Variants in GABRA5 observed in about 807,000 individuals in gnomAD.
GABRA5 encodes gamma-aminobutyric acid type A receptor subunit alpha5.
A neutral mutation model predicts 47.3 loss-of-function variants in GABRA5; 18 were observed. The ratio of observed to expected loss-of-function variants is 0.38; its 90% CI spans 0.26 to 0.56. The LOEUF (loss-of-function observed/expected upper bound fraction) is 0.56, where lower values mean the gene tolerates loss of function less well. Ranked by LOEUF, GABRA5 falls within the 20% of genes least tolerant of loss-of-function variation. The probability of loss-of-function intolerance (pLI) is 0.71; values close to 1 mark genes in which losing one functional copy is unlikely to be tolerated. For missense variants in GABRA5, 365 were observed against 599.3 expected (o/e 0.61, Z 4.08); for synonymous variants, 237 against 229.3 (o/e 1.03, Z -0.30).
At chr15:26,880,274 A>G (rs1892696316) in intron 3 of GABRA5, among the ~76,000 whole-genome samples, 1 of 152,142 alleles carries the variant, frequency 6.6e-6, no homozygotes. Context: ...CTGAAGGGGC[A>G]GGACCCCAGA....
chr15:26,893,397 A>AGCATGTGTGTATAGTGTGTGTGCATGTG (rs1893079112), intron 6 of GABRA5, among the ~76,000 whole-genome samples: 1 of 460 alleles, frequency 2.2e-3, no homozygotes, highest in Non-Finnish European at 4.2e-3. Context: ...GAGTATGTGT[A>AGCATGTGTGTATAGTGTGTGTGCATGTG]TGGTGTGTTG....
intron 6 of GABRA5, among the ~76,000 whole-genome samples, chr15:26,885,925 A>G (rs1892867470): frequency 6.6e-6 from 1 of 152,186 alleles, no homozygotes; most frequent in African/African-American, 2.4e-5. Flanking sequence ...TCGTCGGACT[A>G]GTGTTCTTGA....
At chr15:26,884,534 G>A (rs1306816038) in intron 6 of GABRA5, among the ~76,000 whole-genome samples, 13 of 151,988 alleles carry the variant, frequency 8.6e-5, no homozygotes, top group Non-Finnish European at 1.9e-4. Flanking sequence ...CTTTTGCATA[G>A]GTACTGGAAT....
At chr15:26,942,455 A>T (rs148067417) in intron 9 of GABRA5, among the ~76,000 whole-genome samples, 105 of 152,288 alleles carry the variant, frequency 6.9e-4, no homozygotes, top group Non-Finnish European at 1.2e-3. Flanking sequence ...TCTGGCTCTT[A>T]CAAGTCTGCA....
chr15:26,878,460 G>C (rs955950324), intron 3 of GABRA5, among the ~76,000 whole-genome samples: 1 of 152,060 alleles, frequency 6.6e-6, no homozygotes, highest in African/African-American at 2.4e-5. Flanking sequence ...CATTTTTGAG[G>C]ATGGCCTATG....
intron 6 of GABRA5, among the ~76,000 whole-genome samples, chr15:26,884,922 G>A (rs1892837253): frequency 6.6e-6 from 1 of 152,146 alleles, no homozygotes; most frequent in Non-Finnish European, 1.5e-5. Flanking sequence ...ATGGTTTGCG[G>A]AGGCATAATC....
At chr15:26,940,810 G>A (rs1894365715) in intron 9 of GABRA5, among the ~76,000 whole-genome samples, 1 of 152,130 alleles carries the variant, frequency 6.6e-6, no homozygotes. Flanking sequence ...TCTAACTCAG[G>A]AGGTACCTCG....
At chr15:26,940,412 C>A (rs935913583) in intron 9 of GABRA5, among the ~76,000 whole-genome samples, 1 of 152,052 alleles carries the variant, frequency 6.6e-6, no homozygotes, top group Admixed American at 6.6e-5. Context: ...ATGCTTGGGA[C>A]CGGAAGTGTT....
chr15:26,936,811 C>A (rs921344576), intron 7 of GABRA5, among the ~76,000 whole-genome samples: 2 of 152,140 alleles, frequency 1.3e-5, no homozygotes, highest in Non-Finnish European at 2.9e-5. Context: ...TGTTTTTATC[C>A]CATTCTATGA....
intron 3 of GABRA5, among the ~76,000 whole-genome samples, chr15:26,874,951 G>A (rs546904411): frequency 2.0e-5 from 3 of 152,210 alleles, no homozygotes; most frequent in Non-Finnish European, 2.9e-5. Context: ...GTAGCTGCCC[G>A]GCTTCGATCT....
At chr15:26,936,339 T>A (rs1410735593) in intron 7 of GABRA5, among the ~76,000 whole-genome samples, 2 of 151,882 alleles carry the variant, frequency 1.3e-5, no homozygotes, top group African/African-American at 4.8e-5. Flanking sequence ...TCCAGATTAA[T>A]ATATTCCAGC....
Position 26,883,655 on chromosome 15 carries a change from C to CCATAG in GABRA5, c.497+99_497+103dup, listed in dbSNP as rs1892799866. On this transcript the variant is annotated intron_variant, in intron 6 of 10. Coordinates refer to ENST00000335625, the MANE Select transcript of GABRA5 (RefSeq NM_000810.4). This position sits in a 1 kb window ranked among gnomAD's most constrained non-coding sequence, Gnocchi z 4.8. ...GAGCTGCGCCGCGGAGCTGTTCTGA[C>CCATAG]CATAGGTCTGAGACTGCGGCGCGTG... The CCATAG allele has an allele frequency of 1.0e-6, 1 of 998,062 alleles. No homozygotes were observed. 61.8% of individuals were successfully genotyped at this position (998,062 alleles called of 1,614,324 possible).
chr15:26,890,961 T>A (rs1462659210), intron 6 of GABRA5, among the ~76,000 whole-genome samples: 11 of 152,194 alleles, frequency 7.2e-5, no homozygotes, highest in African/African-American at 2.2e-4. Flanking sequence ...TGTGCTTAGG[T>A]TTCTGCCAAT....
chr15:26,905,148 T>C (rs773785463), intron 6 of GABRA5, among the ~76,000 whole-genome samples: 1 of 152,180 alleles, frequency 6.6e-6, no homozygotes, highest in Non-Finnish European at 1.5e-5. Flanking sequence ...ACATAGTTTG[T>C]TGAGAGTTTT....
intron 7 of GABRA5, among the ~76,000 whole-genome samples, chr15:26,930,087 A>G (rs1354112503): frequency 6.8e-6 from 1 of 147,752 alleles, no homozygotes; most frequent in Non-Finnish European, 1.5e-5. Flanking sequence ...TGGCACGATC[A>G]CTGCAACCTC....
chr15:26,937,093 C>T, intron 7 of GABRA5, 92 bp from the exon 8 acceptor site: 3 of 1,476,410 alleles, frequency 2.0e-6, no homozygotes, highest in Non-Finnish European at 2.8e-6. Flanking sequence ...ACGTTCTCAT[C>T]CTCTCTCTTG....
intron 8 of GABRA5, chr15:26,939,614 G>A (rs1894337220): frequency 1.0e-5 from 6 of 601,208 alleles, no homozygotes; most frequent in South Asian, 1.0e-4. Flanking sequence ...AATTGCAGAA[G>A]CAGGCGAGGG....
intron 6 of GABRA5, among the ~76,000 whole-genome samples, chr15:26,909,384 C>T (rs969411350): frequency 2.6e-5 from 4 of 152,146 alleles, no homozygotes; most frequent in African/African-American, 9.7e-5. Flanking sequence ...ATAAGGGAAA[C>T]ATATTGACAG....
chr15:26,916,275 T>A (rs1337642969), intron 7 of GABRA5, among the ~76,000 whole-genome samples: 1 of 152,196 alleles, frequency 6.6e-6, no homozygotes, highest in Non-Finnish European at 1.5e-5. Context: ...TTACACTTAT[T>A]GTTTCAGTTA....
Sources: gnomAD v4.1 joint callset for allele counts (sites outside exome capture counted in the v4.1 genomes callset) on GRCh38, gnomAD v4.1.1 for gene constraint, Gnocchi (gnomAD v3.1) non-coding constraint, MANE v1.5 for transcripts, NCBI Gene and HGNC (gene_info 2026-07-23, HGNC 2026-07-21) for gene names.